The following ATAD1 variants were observed in gnomAD, a reference collection of about 807,000 sequenced individuals.
The protein encoded by ATAD1 is ATPase family AAA domain containing 1, also known as outer mitochondrial transmembrane helix translocase.
ATAD1 carries 18 observed loss-of-function variants against 42.7 expected under a neutral mutation model. The ratio of observed to expected loss-of-function variants is 0.42; its 90% CI spans 0.29 to 0.63. ATAD1 has a LOEUF of 0.63. Among genes scored for constraint, ATAD1 ranks in the 20% least tolerant of loss-of-function variants. ATAD1 has a pLI of 0.19. For synonymous variants in ATAD1, 132 were observed against 143.1 expected, an observed-to-expected ratio of 0.92 and a Z score of 0.55; for missense variants, 294 against 440.4, an observed-to-expected ratio of 0.67 and a Z score of 2.98.
chr10:87,771,082 T>G (rs769795343), intron 6 of ATAD1, 41 bp from the exon 7 acceptor site: 1 of 1,474,428 alleles, frequency 6.8e-7, no homozygotes, highest in African/African-American at 1.4e-5. Flanking sequence ...AATCTACCAA[T>G]TATACTCCTC....
intron 4 of ATAD1, among the ~76,000 whole-genome samples, chr10:87,788,753 A>C (rs1398975777): frequency 1.3e-5 from 2 of 152,232 alleles, no homozygotes; most frequent in Admixed American, 1.3e-4. Flanking sequence ...ATTGAGAACT[A>C]AAAATGCAGA....
chr10:87,827,677 C>A (rs952463223), intron 1 of ATAD1, among the ~76,000 whole-genome samples: 2 of 152,158 alleles, frequency 1.3e-5, no homozygotes, highest in South Asian at 4.1e-4. Context: ...GACTGCTCTA[C>A]CAACCAGTCA....
intron 2 of ATAD1, among the ~76,000 whole-genome samples, chr10:87,794,986 T>C (rs1000553325): frequency 2.6e-5 from 4 of 152,226 alleles, no homozygotes; most frequent in Admixed American, 1.3e-4. Context: ...AATGGTTTTA[T>C]TGAGCACCTA....
intron 8 of ATAD1, among the ~76,000 whole-genome samples, chr10:87,757,970 AAG>A (rs1427321305): frequency 4.6e-5 from 7 of 152,206 alleles, no homozygotes; most frequent in Non-Finnish European, 8.8e-5. Context: ...TTTTGATAAA[AAG>A]AAACTGAACC....
upstream of ATAD1, chr10:87,818,247 C>T: frequency 2.0e-6 from 2 of 985,492 alleles, no homozygotes; most frequent in Non-Finnish European, 2.4e-6. Context: ...AGAACGCTTC[C>T]GGCGGGAGGC....
In ATAD1 at chr10:87,784,603, T is replaced by G. The variant is rs779348443; in HGVS notation, c.450A>C (p.Ala150=). ...TLIAKATAKE[A]GCRFINLQPS... ...GCTGAAGGTTAATAAATCGACAGCC[T>G]GCTTCTTTGGCTGTGGCCTTGGCAA... Residue 150 remains alanine (A), a synonymous_variant, in exon 5 of 10, where the codon GCA becomes GCC. Transcript: ENST00000680024. 1 of 1,613,322 alleles carries G rather than the reference T, an allele frequency of 6.2e-7. No individual in the cohort carries two copies. The highest frequency in any genetic ancestry group is 1.3e-5 in the African/African-American group (1 of 74,922).
At chr10:87,766,183 A>C (rs1854739603) in intron 8 of ATAD1, among the ~76,000 whole-genome samples, 2 of 152,358 alleles carry the variant, frequency 1.3e-5, no homozygotes, top group Admixed American at 6.5e-5. Context: ...AACCGTAACA[A>C]TGTGGCAATA....
chr10:87,826,150 A>ACAG (rs78070884), intron 1 of ATAD1, among the ~76,000 whole-genome samples: 1 of 151,726 alleles, frequency 6.6e-6, no homozygotes, highest in Admixed American at 6.6e-5. Context: ...GAACCAGAAA[A>ACAG]CAGCAGCAGC....
chr10:87,787,754 A>G (rs1041100099), intron 4 of ATAD1, among the ~76,000 whole-genome samples: 3 of 152,244 alleles, frequency 2.0e-5, no homozygotes, highest in Non-Finnish European at 2.9e-5. Flanking sequence ...AAATTTGTCC[A>G]AATGGTGCAA....
At chr10:87,789,807 T>C (rs1856010088) in intron 4 of ATAD1, among the ~76,000 whole-genome samples, 1 of 152,200 alleles carries the variant, frequency 6.6e-6, no homozygotes, top group South Asian at 2.1e-4. Flanking sequence ...TATGAGCATA[T>C]TCAATTCTTG....
At chr10:87,785,764 C>T (rs1232627561) in intron 4 of ATAD1, among the ~76,000 whole-genome samples, 1 of 151,622 alleles carries the variant, frequency 6.6e-6, no homozygotes, top group East Asian at 1.9e-4. Context: ...GATTCCATAA[C>T]TCTAGCAATT....
chr10:87,758,845 A>T (rs1376188135), intron 8 of ATAD1, among the ~76,000 whole-genome samples: 18 of 152,186 alleles, frequency 1.2e-4, no homozygotes, highest in Admixed American at 1.2e-3. Context: ...ATATAATTAC[A>T]TATAAAAATG....
chr10:87,756,801 G>A lies in ATAD1; in HGVS notation c.953C>T (p.Thr318Ile), dbSNP rs774251562. The A allele has an allele frequency of 1.2e-5, 20 of 1,601,422 alleles. No individual in the cohort carries two copies. The highest frequency in any genetic ancestry group is 1.1e-4 in the African/African-American group (8 of 74,308). ...CAAAATAACATACCTTTCTTCTGAT[G>A]TAGAATTAACATATTCTCTAACACA... The part of the protein sequence containing the change: ...LLCVREYVNS[T>I]SEESHDEDEI... The change falls in exon 9 of 10, where the codon ACA becomes ATA. Residue 318 changes from threonine to isoleucine, a missense_variant. Thr to Ile is a moderately conservative substitution (Grantham distance 89, BLOSUM62 -1). Coordinates refer to ENST00000680024, the MANE Select transcript of ATAD1 (RefSeq NM_001321967.2).
At chr10:87,810,682 T>C (rs1251926588) in intron 2 of ATAD1, among the ~76,000 whole-genome samples, 2 of 152,224 alleles carry the variant, frequency 1.3e-5, no homozygotes, top group East Asian at 1.9e-4. Context: ...TACATTTCCA[T>C]CTTTTTACTT....
chr10:87,838,963 T>G (rs1857980052), intron 1 of ATAD1, among the ~76,000 whole-genome samples: 1 of 152,194 alleles, frequency 6.6e-6, no homozygotes, highest in Non-Finnish European at 1.5e-5. Flanking sequence ...GCCAACATAT[T>G]CATGAAAAAA....
At position 87,753,482 on chromosome 10, in the gene ATAD1, G is replaced by A. The variant is rs570400653; in HGVS notation, c.*1205C>T. 6.6e-6 allele frequency: 1 copy of A among 152,194 alleles called. No individual in the cohort carries two copies. Among genetic ancestry groups the A allele is most frequent in the Non-Finnish European group, 1.5e-5 (1 of 67,994 alleles). The allele number at this position is 152,194 out of a possible 1,614,324, so 9.4% of individuals were successfully genotyped here. A position where few individuals can be genotyped will look rare whatever the true frequency, so the allele number is the denominator to read the frequency against. On this transcript the variant is annotated 3_prime_UTR_variant, in exon 10 of 10. Coordinates refer to ENST00000680024, the MANE Select transcript of ATAD1 (RefSeq NM_001321967.2). ...GATTGTGTTGTGCCGTTTTCCTCATGCTGCGTGGTTAGGTGCCTATAACAG... is the reference window on the plus strand; with the variant it reads ...GATTGTGTTGTGCCGTTTTCCTCATACTGCGTGGTTAGGTGCCTATAACAG...
At chr10:87,813,352 C>CTT (rs60561376) in intron 2 of ATAD1, among the ~76,000 whole-genome samples, 1 of 139,384 alleles carries the variant, frequency 7.2e-6, no homozygotes. Flanking sequence ...ACTAGTTTTT[C>CTT]TTTTTTTTTT....
chr10:87,818,073 C>T (rs555597550), intron 1 of ATAD1, 94 bp downstream of exon 1: 2 of 985,702 alleles, frequency 2.0e-6, no homozygotes, highest in South Asian at 4.7e-5. Flanking sequence ...GGTGACCTTT[C>T]CTCCGGGGGT....
intron 2 of ATAD1, among the ~76,000 whole-genome samples, chr10:87,812,285 A>T (rs1294958005): frequency 6.6e-6 from 1 of 152,028 alleles, no homozygotes; most frequent in Non-Finnish European, 1.5e-5. Context: ...TTATTTATTT[A>T]TTTATTTTTG....
Sources: gnomAD v4.1 joint callset for allele counts (sites outside exome capture counted in the v4.1 genomes callset) on GRCh38, gnomAD v4.1.1 for gene constraint, MANE v1.5 for transcripts, NCBI Gene and HGNC (gene_info 2026-07-23, HGNC 2026-07-21) for gene names.